The following NCAM1 variants were observed in gnomAD, a reference collection of about 807,000 sequenced individuals.
NCAM1 encodes the protein neural cell adhesion molecule 1, also known as antigen recognized by monoclonal antibody 5.1H11.
In NCAM1, 14 loss-of-function variants were observed where a neutral mutation model predicts 109.8. The observed-to-expected ratio is 0.13, with a 90% CI of 0.08 to 0.20. The LOEUF (loss-of-function observed/expected upper bound fraction) is 0.20, where lower values mean the gene tolerates loss of function less well. Among genes scored for constraint, NCAM1 ranks in the 10% least tolerant of loss-of-function variants. The pLI is 1.00. For missense variants in NCAM1, 774 were observed against 1,109.9 expected (o/e 0.70, Z 4.30); for synonymous variants, 418 against 442.9 (o/e 0.94, Z 0.70).
At position 112,961,528 on chromosome 11, in the gene NCAM1, G is replaced by T. The variant is rs1555062815; in HGVS notation, c.-85G>T. On this transcript the variant is annotated 5_prime_UTR_variant, in exon 1 of 20. Transcript: ENST00000316851. ...GCAATTGTCTGCCCCTAGGTCTGTC[G>T]CTCAGCCGCCGTCCACACTCGCTGC... 1 of 897,194 alleles carries T rather than the reference G, an allele frequency of 1.1e-6. No homozygotes were observed. The highest frequency in any genetic ancestry group is 1.9e-6 in the Non-Finnish European group (1 of 526,776). The allele number at this position is 897,194 out of a possible 1,614,324, so 55.6% of individuals were successfully genotyped here.
chr11:113,254,174 A>G (rs1199719878), intron 15 of NCAM1, among the ~76,000 whole-genome samples: 1 of 152,192 alleles, frequency 6.6e-6, no homozygotes, highest in East Asian at 1.9e-4. Context: ...GAAAGCCTAA[A>G]TACCTTGACG....
chr11:113,149,993 T>C (rs1227242016), intron 1 of NCAM1, among the ~76,000 whole-genome samples: 1 of 152,048 alleles, frequency 6.6e-6, no homozygotes, highest in Non-Finnish European at 1.5e-5. Flanking sequence ...AAAGTGAGAA[T>C]TTAAGAGGAT....
At chr11:113,097,263 C>T (rs1479926360) in intron 1 of NCAM1, among the ~76,000 whole-genome samples, 3 of 152,188 alleles carry the variant, frequency 2.0e-5, no homozygotes, top group African/African-American at 7.2e-5. Context: ...CTAATGTTGA[C>T]TTCTGCTTTA....
intron 1 of NCAM1, among the ~76,000 whole-genome samples, chr11:113,163,934 C>G (rs1221524887): frequency 6.6e-6 from 1 of 152,022 alleles, no homozygotes; most frequent in African/African-American, 2.4e-5. Context: ...GTGCTGGGTG[C>G]CATGAGAAGA....
Position 112,977,822 on chromosome 11 carries a change from T to C in NCAM1, c.52+16158T>C, listed in dbSNP as rs1315734051. On this transcript the variant is annotated intron_variant, in intron 1 of 19. Coordinates refer to ENST00000316851, the MANE Select transcript of NCAM1 (RefSeq NM_181351.5). ...ACTAAAAAAGCAGGCTGTCTTTGCA[T>C]ATTAATCACTCTGTGAAAGGAAGCT... 2.6e-5 allele frequency among the ~76,000 whole-genome samples: 4 copies of C among 152,010 alleles called. No individual in the cohort carries two copies. The East Asian group carries it at 7.7e-4, about 29-fold the overall frequency.
At chr11:113,096,143 C>G (rs1436551028) in intron 1 of NCAM1, among the ~76,000 whole-genome samples, 1 of 152,070 alleles carries the variant, frequency 6.6e-6, no homozygotes, top group Admixed American at 6.6e-5. Flanking sequence ...GATGGCCTGG[C>G]TTGGGATAGC....
intron 6 of NCAM1, 146 bp downstream of exon 6, chr11:113,207,524 A>T (rs1944273336): frequency 1.4e-6 from 1 of 719,134 alleles, no homozygotes; most frequent in South Asian, 1.9e-5. Context: ...TTTCTATAAG[A>T]TTCTCTTGCT....
intron 1 of NCAM1, among the ~76,000 whole-genome samples, chr11:113,013,426 C>CA (rs34001751): frequency 0.32 from 30,430 of 95,898 alleles, 4,546 homozygotes; most frequent in East Asian, 0.52. Flanking sequence ...GACTCTGTCT[C>CA]AAAAAAAAAA....
intron 9 of NCAM1, among the ~76,000 whole-genome samples, chr11:113,225,641 A>G (rs896620697): frequency 6.6e-6 from 1 of 152,238 alleles, no homozygotes; most frequent in Non-Finnish European, 1.5e-5. Flanking sequence ...CAGATTCACC[A>G]AAGTGGAAAT....
chr11:113,056,273 A>C (rs1371814793), intron 1 of NCAM1, among the ~76,000 whole-genome samples: 1 of 151,670 alleles, frequency 6.6e-6, no homozygotes, highest in Non-Finnish European at 1.5e-5. Context: ...AATGAAGAGA[A>C]ATTGATTAAT....
At chr11:113,192,086 A>G (rs1943694823) in intron 1 of NCAM1, among the ~76,000 whole-genome samples, 3 of 152,266 alleles carry the variant, frequency 2.0e-5, no homozygotes, top group Admixed American at 2.0e-4. Context: ...TGTTGGCAAA[A>G]GCAGTTGAGA....
intron 1 of NCAM1, among the ~76,000 whole-genome samples, chr11:113,158,336 T>G (rs1189620041): frequency 6.6e-6 from 1 of 152,216 alleles, no homozygotes; most frequent in Admixed American, 6.5e-5. Flanking sequence ...GATAACTTTG[T>G]TTCTCTGTCA....
intron 1 of NCAM1, among the ~76,000 whole-genome samples, chr11:113,081,597 C>T (rs782197125): frequency 2.0e-5 from 3 of 151,978 alleles, no homozygotes; most frequent in African/African-American, 4.8e-5. Context: ...TGCAGTGGCA[C>T]GATCTCGGCT....
intron 1 of NCAM1, among the ~76,000 whole-genome samples, chr11:113,193,681 C>A (rs1591404095): frequency 6.6e-6 from 1 of 151,432 alleles, no homozygotes; most frequent in South Asian, 2.1e-4. Flanking sequence ...AAGAGAGAAA[C>A]AGAGAAAGAG....
At chr11:113,026,274 C>T (rs1165528543) in intron 1 of NCAM1, among the ~76,000 whole-genome samples, 2 of 152,160 alleles carry the variant, frequency 1.3e-5, no homozygotes, top group African/African-American at 4.8e-5. Flanking sequence ...TGAAGATGGG[C>T]AGGGACTCAT....
At position 113,174,104 on chromosome 11, in the gene NCAM1, G is replaced by A. The variant is rs182578880; in HGVS notation, c.53-28275G>A. Among the ~76,000 whole-genome samples, 168 of 152,302 alleles carry A rather than the reference G, an allele frequency of 1.1e-3. 1 individual carries two copies. Among genetic ancestry groups the A allele is most frequent in the South Asian group, 8.7e-3 (42 of 4,824 alleles). ...TGTTACCATAGTCTGCCTTCATCTA[G>A]GAGATTAGAAGTGGAAAATCCTAAA... On this transcript the variant is annotated intron_variant, in intron 1 of 19. Transcript: ENST00000316851.
intron 1 of NCAM1, among the ~76,000 whole-genome samples, chr11:112,987,018 T>C (rs191514904): frequency 4.2e-4 from 64 of 152,274 alleles, no homozygotes; most frequent in African/African-American, 1.4e-3. Flanking sequence ...TCTTTTCCAA[T>C]GTAGGCATTT....
At chr11:112,966,284 C>T (rs1699733957) in intron 1 of NCAM1, among the ~76,000 whole-genome samples, 1 of 152,056 alleles carries the variant, frequency 6.6e-6, no homozygotes, top group African/African-American at 2.4e-5. Flanking sequence ...GGTGAAAATT[C>T]CTTTGGTTAA....
chr11:113,194,638 A>G (rs1382028269), intron 1 of NCAM1, among the ~76,000 whole-genome samples: 1 of 152,204 alleles, frequency 6.6e-6, no homozygotes, highest in Non-Finnish European at 1.5e-5. Flanking sequence ...ATCCTGTGGC[A>G]TAAAAAAATG....
Sources: allele counts gnomAD v4.1 joint callset (sites outside exome capture counted in the v4.1 genomes callset), GRCh38; gene constraint gnomAD v4.1.1; transcripts MANE v1.5; gene names NCBI Gene and HGNC (gene_info 2026-07-23, HGNC 2026-07-21).